The following CHMP4A variants were observed in gnomAD, a reference collection of about 807,000 sequenced individuals.
CHMP4A encodes the protein charged multivesicular body protein 4A.
In CHMP4A, 29 loss-of-function variants were observed where a neutral mutation model predicts 28.2. The observed-to-expected ratio is 1.03, with a 90% confidence interval of 0.77 to 1.40. The LOEUF (loss-of-function observed/expected upper bound fraction) is 1.40. CHMP4A is among the 40% of genes most tolerant of loss of function. CHMP4A has a pLI of 0.00. For synonymous variants in CHMP4A, 88 were observed against 99.3 expected, an observed-to-expected ratio of 0.89 and a Z score of 0.67; for missense variants, 241 against 263.5, an observed-to-expected ratio of 0.91 and a Z score of 0.59.
chr14:24,211,351 A>G lies in CHMP4A; in HGVS notation c.359+64T>C. 3 of 1,403,506 alleles carry G rather than the reference A, an allele frequency of 2.1e-6. No homozygotes were observed. The South Asian group carries it at 3.8e-5, about 18-fold the overall frequency. The allele number at this position is 1,403,506 out of a possible 1,614,324, so 86.9% of individuals were successfully genotyped here. On this transcript the variant is annotated intron_variant, in intron 3 of 5. Transcript: ENST00000347519. ...ACATTCTGAGAGGCTTTAAAGTTTA[A>G]AGTGTGATAGCAAGCCACTCTTCCC...
intron 1 of CHMP4A, chr14:24,212,675 C>A (rs1381807871): frequency 3.3e-6 from 1 of 307,338 alleles, no homozygotes; most frequent in Non-Finnish European, 6.2e-6. Flanking sequence ...CTGTCTCAGC[C>A]TCCCCCAGTA....
chr14:24,211,880 C>A, intron 1 of CHMP4A, 51 bp from the exon 2 acceptor site: 1 of 1,532,420 alleles, frequency 6.5e-7, no homozygotes, highest in Non-Finnish European at 8.9e-7. Flanking sequence ...AAAATATTAG[C>A]CACCAATCAT....
At position 24,211,524 on chromosome 14, in the gene CHMP4A, A is replaced by C. The variant is rs576790627; in HGVS notation, c.250T>G (p.Ser84Ala). 1.2e-6 allele frequency: 2 copies of C among 1,614,120 alleles called. No homozygotes were observed. Among genetic ancestry groups the C allele is most frequent in the South Asian group, 2.2e-5 (2 of 91,084 alleles). The change falls in exon 3 of 6, where the codon TCC becomes GCC. Residue 84 changes from serine (S) to alanine (A), a missense_variant. Physicochemically the swap from Ser to Ala is moderately conservative, Grantham distance 99. Coordinates refer to ENST00000347519, the MANE Select transcript of CHMP4A (RefSeq NM_014169.5). ...QQLAQTDGTL[S>A]TLEFQREAIE... ...GCCTCACGCTGAAACTCCAGGGTGG[A>C]TAATGTCCCGTCAGTTTGTGCCAGC...
Position 24,210,724 on chromosome 14 carries a change from T to C in CHMP4A, c.404A>G (p.Gln135Arg). 5 of 1,614,196 alleles carry C rather than the reference T, an allele frequency of 3.1e-6. No homozygotes were observed. Among genetic ancestry groups the C allele is most frequent in the Non-Finnish European group, 4.2e-6 (5 of 1,180,028 alleles). The change falls in exon 4 of 6, where the codon CAA becomes CGA. Residue 135 changes from glutamine (Q) to arginine (R), a missense_variant. Coordinates refer to ENST00000347519, the MANE Select transcript of CHMP4A (RefSeq NM_014169.5). Reference protein sequence around the residue: ...VDELMTDITEQQEVAQQISDA... With the variant: ...VDELMTDITERQEVAQQISDA... ...TGAGATCTGCTGGGCCACCTCCTGT[T>C]GTTCCGTGATGTCAGTCATCAGTTC...
chr14:24,211,251 G>C (rs1594469744), intron 3 of CHMP4A, 164 bp downstream of exon 3: 1 of 589,658 alleles, frequency 1.7e-6, no homozygotes, highest in East Asian at 2.8e-5. Context: ...GAATGCCCCA[G>C]GCAGCGAAAG....
intron 1 of CHMP4A, 193 bp downstream of exon 1, chr14:24,213,216 G>T (rs1016224218): frequency 5.1e-6 from 3 of 587,586 alleles, no homozygotes; most frequent in African/African-American, 3.9e-5. Flanking sequence ...GGAACAAGGC[G>T]CCCCGACATG....
rs1409201488 is a variant in CHMP4A, at chr14:24,210,772, A to G, written c.360-4T>C. ...TTCATCTACCTTGTCAATGTCCCTG[A>G]GAATGAGATAGATAGCTAAGAAATC... On this transcript the variant is annotated splice_polypyrimidine_tract_variant and splice_region_variant and intron_variant, in intron 3 of 5. Coordinates refer to ENST00000347519, the MANE Select transcript of CHMP4A (RefSeq NM_014169.5). The G allele has an allele frequency of 6.2e-7, 1 of 1,600,954 alleles. No individual in the cohort carries two copies. Among genetic ancestry groups the G allele is most frequent in the Non-Finnish European group, 8.6e-7 (1 of 1,168,028 alleles).
chr14:24,211,750 C>T lies in CHMP4A; in HGVS notation c.111G>A (p.Gln37=), dbSNP rs1186713999. Residue 37 remains glutamine (Q), a synonymous_variant, in exon 2 of 6, where the codon CAG becomes CAA. Coordinates refer to ENST00000347519, the MANE Select transcript of CHMP4A (RefSeq NM_014169.5). Reference sequence around the variant, plus strand: ...GTTGAATCTTCTGCTCCAAAAATTCCTGTTTCTTGATCAGTATCTTCTCTG... The same window carrying T: ...GTTGAATCTTCTGCTCCAAAAATTCTTGTTTCTTGATCAGTATCTTCTCTG... ...KETEKILIKK[Q]EFLEQKIQQE... 6.2e-7 allele frequency: 1 copy of T among 1,614,182 alleles called. No individual in the cohort carries two copies.
chr14:24,213,250 G>A, intron 1 of CHMP4A, 159 bp downstream of exon 1: 1 of 857,590 alleles, frequency 1.2e-6, no homozygotes, highest in South Asian at 2.2e-5. Context: ...CACCGGCGAT[G>A]AGCCTTGCTC....
chr14:24,211,370 T>C, intron 3 of CHMP4A, 45 bp downstream of exon 3: 1 of 1,537,908 alleles, frequency 6.5e-7, no homozygotes, highest in Non-Finnish European at 8.9e-7. Flanking sequence ...AGCAAGCCAC[T>C]CTTCCCAGTG....
rs1473968830 is a variant in CHMP4A at position 24,211,679 on chromosome 14, C to A, written c.181+1G>T. 6.2e-7 allele frequency: 1 copy of A among 1,613,638 alleles called. No homozygotes were observed. Among genetic ancestry groups the A allele is most frequent in the Admixed American group, 1.7e-5 (1 of 59,928 alleles). ...CCCCATAGGCTTGTTTCCCTCATTA[C>A]CTCTCTTATTCTTGGTCCCATACTT... On this transcript the variant is annotated splice_donor_variant, in intron 2 of 5. Coordinates refer to ENST00000347519, the MANE Select transcript of CHMP4A (RefSeq NM_014169.5). LOFTEE classifies it high-confidence loss of function.
chr14:24,209,813 G>A lies in CHMP4A; in HGVS notation c.*64C>T. ...CAAAAAGTTATCCTCCTTTAGCTCA[G>A]CACTTGGCACTTAAGGAAGAAAGGA... On this transcript the variant is annotated 3_prime_UTR_variant, in exon 6 of 6. Transcript: ENST00000347519. 1.4e-6 allele frequency: 2 copies of A among 1,467,884 alleles called. No homozygotes were observed. Among genetic ancestry groups the A allele is most frequent in the East Asian group, 2.3e-5 (1 of 44,182 alleles). 90.9% of individuals were successfully genotyped at this position (1,467,884 alleles called of 1,614,324 possible).
At chr14:24,211,985 A>T in intron 1 of CHMP4A, 156 bp from the exon 2 acceptor site, 1 of 591,642 alleles carries the variant, frequency 1.7e-6, no homozygotes, top group South Asian at 3.0e-5. Flanking sequence ...AAAAATGTGA[A>T]AACAACCACA....
intron 1 of CHMP4A, among the ~76,000 whole-genome samples, chr14:24,212,271 T>C (rs1710559013): frequency 6.6e-6 from 1 of 151,788 alleles, no homozygotes; most frequent in Non-Finnish European, 1.5e-5. Flanking sequence ...TTTTTTGTGT[T>C]TTTAGTACAG....
Position 24,211,692 on chromosome 14 carries a change from T to C in CHMP4A, c.169A>G (p.Lys57Glu). 6.2e-7 allele frequency: 1 copy of C among 1,614,124 alleles called. No homozygotes were observed. Among genetic ancestry groups the C allele is most frequent in the South Asian group, 1.1e-5 (1 of 91,084 alleles). ...TTTCCCTCATTACCTCTCTTATTCTTGGTCCCATACTTCTTGGCTGTTTGT... is the reference window on the plus strand; with the variant it reads ...TTTCCCTCATTACCTCTCTTATTCTCGGTCCCATACTTCTTGGCTGTTTGT... ...ELQTAKKYGT[K>E]NKRAALQALR... Residue 57 changes from lysine to glutamate, a missense_variant, in exon 2 of 6, where the codon AAG becomes GAG. Transcript: ENST00000347519.
chr14:24,211,670 C>T lies in CHMP4A; in HGVS notation c.181+10G>A. 6.3e-7 allele frequency: 1 copy of T among 1,595,214 alleles called. No individual in the cohort carries two copies. Among genetic ancestry groups the T allele is most frequent in the African/African-American group, 1.3e-5 (1 of 74,620 alleles). ...CTGGGCCCTCCCCATAGGCTTGTTT[C>T]CCTCATTACCTCTCTTATTCTTGGT... On this transcript the variant is annotated intron_variant, in intron 2 of 5. Coordinates refer to ENST00000347519, the MANE Select transcript of CHMP4A (RefSeq NM_014169.5).
chr14:24,210,312 C>G (rs2039580166), intron 5 of CHMP4A, 36 bp downstream of exon 5: 1 of 1,607,318 alleles, frequency 6.2e-7, no homozygotes, highest in Non-Finnish European at 8.5e-7. Context: ...CTCCCACCCT[C>G]TTAAGTCCTC....
chr14:24,210,105 C>T lies in CHMP4A; in HGVS notation c.611-170G>A, dbSNP rs114715888. Among the ~76,000 whole-genome samples the T allele has an allele frequency of 6.4e-3, 978 of 152,032 alleles. 6 individuals are homozygous for T. The highest frequency in any genetic ancestry group is 0.023 in the African/African-American group (935 of 41,472). On this transcript the variant is annotated intron_variant, in intron 5 of 5. Transcript: ENST00000347519. ...AGGCTGCTGTTCAATCCCACAGCAC[C>T]TTTGTGCAAATTAGAAAAATGGTGC...
rs889056317 is a variant in CHMP4A, at chr14:24,209,871, G to C, written c.*6C>G. The stretch of plus-strand genomic sequence containing the variant: ...AGGTAGCATTAGGAAGACAAGCCCA[G>C]ATTTATCAGGATACCCACTCAGCCA... On this transcript the variant is annotated 3_prime_UTR_variant, in exon 6 of 6. Coordinates refer to ENST00000347519, the MANE Select transcript of CHMP4A (RefSeq NM_014169.5). 2.5e-6 allele frequency: 4 copies of C among 1,613,328 alleles called. No individual in the cohort carries two copies. The Admixed American group carries it at 5.0e-5, about 20-fold the overall frequency.
Sources: gnomAD v4.1 joint callset for allele counts (sites outside exome capture counted in the v4.1 genomes callset) on GRCh38, gnomAD v4.1.1 for gene constraint, MANE v1.5 for transcripts, NCBI Gene and HGNC (gene_info 2026-07-23, HGNC 2026-07-21) for gene names.